MRPL13: variants seen among roughly 807,000 people sequenced by gnomAD.
MRPL13 encodes the protein large ribosomal subunit protein uL13m.
In MRPL13, 33 loss-of-function variants were observed where a neutral mutation model predicts 29.0. That is an observed-to-expected ratio of 1.14 (90% CI 0.86 to 1.52). The LOEUF is 1.52. MRPL13 is among the 40% of genes most tolerant of loss of function. MRPL13 has a pLI of 0.00. For missense variants in MRPL13, 227 were observed against 216.7 expected, an observed-to-expected ratio of 1.05 and a Z score of -0.30; for synonymous variants, 77 against 68.4, an observed-to-expected ratio of 1.13 and a Z score of -0.62.
chr8:120,442,316 G>C (rs545700960), intron 2 of MRPL13, among the ~76,000 whole-genome samples: 1 of 152,172 alleles, frequency 6.6e-6, no homozygotes, highest in East Asian at 1.9e-4. Context: ...CCTGTCTTTT[G>C]GGCATACCTT....
chr8:120,397,340 G>C (rs1305352446), intron 6 of MRPL13, among the ~76,000 whole-genome samples: 1 of 152,120 alleles, frequency 6.6e-6, no homozygotes, highest in Non-Finnish European at 1.5e-5. Flanking sequence ...CCAAGGAAGG[G>C]AGCTGAATCC....
chr8:120,424,805 T>C (rs1812914305), intron 4 of MRPL13, among the ~76,000 whole-genome samples: 1 of 151,910 alleles, frequency 6.6e-6, no homozygotes, highest in African/African-American at 2.4e-5. Flanking sequence ...AAAATGAAAG[T>C]AGTTTTGTTT....
chr8:120,403,871 T>A (rs1812634220), intron 6 of MRPL13, among the ~76,000 whole-genome samples: 1 of 152,210 alleles, frequency 6.6e-6, no homozygotes, highest in South Asian at 2.1e-4. Context: ...GAATTTTAAA[T>A]TGTTTATTAT....
chr8:120,436,146 G>A (rs921833324), intron 2 of MRPL13, among the ~76,000 whole-genome samples: 1 of 152,052 alleles, frequency 6.6e-6, no homozygotes, highest in African/African-American at 2.4e-5. Flanking sequence ...CGATTAATTG[G>A]TACAGGTTTT....
At chr8:120,433,042 C>T (rs1310745649) in intron 2 of MRPL13, among the ~76,000 whole-genome samples, 2 of 151,864 alleles carry the variant, frequency 1.3e-5, no homozygotes, top group African/African-American at 2.4e-5. Flanking sequence ...TTTTCACAGA[C>T]GTTCATAGTC....
intron 2 of MRPL13, among the ~76,000 whole-genome samples, chr8:120,437,317 G>A (rs1813065783): frequency 6.6e-6 from 1 of 152,122 alleles, no homozygotes; most frequent in South Asian, 2.1e-4. Context: ...GAATTGTTTG[G>A]TATGTTAGCA....
chr8:120,424,531 G>A (rs940508250), intron 4 of MRPL13, among the ~76,000 whole-genome samples: 4 of 152,042 alleles, frequency 2.6e-5, no homozygotes, highest in South Asian at 2.1e-4. Context: ...TTGGGAGGCC[G>A]AGGTGGGAGG....
intron 5 of MRPL13, chr8:120,415,549 G>A (rs1812793351): frequency 6.6e-6 from 1 of 151,982 alleles, no homozygotes; most frequent in South Asian, 2.1e-4. Flanking sequence ...ACCCAATATA[G>A]CAAAATATTT....
chr8:120,424,439 T>G (rs932458239), intron 4 of MRPL13, among the ~76,000 whole-genome samples: 1 of 151,832 alleles, frequency 6.6e-6, no homozygotes, highest in Non-Finnish European at 1.5e-5. Flanking sequence ...CTGGGCAACA[T>G]AGCAAGATCC....
chr8:120,444,896 C>A (rs1469211540), intron 1 of MRPL13, 172 bp downstream of exon 1: 16 of 627,050 alleles, frequency 2.6e-5, no homozygotes, highest in Non-Finnish European at 3.9e-5. Flanking sequence ...AACAGACGAA[C>A]GACATTAAGT....
Position 120,413,990 on chromosome 8 carries a change from C to G in MRPL13, c.515+1G>C. On this transcript the variant is annotated splice_donor_variant, in intron 6 of 6. Transcript: ENST00000306185. LOFTEE classifies it high-confidence loss of function. ...AAAACAAGAAGAAGGGAAACACTTA[C>G]GGAGTCCACAATCTTGGGAAGGCGT... 1 of 1,544,196 alleles carries G rather than the reference C, an allele frequency of 6.5e-7. No individual in the cohort carries two copies. Among genetic ancestry groups the G allele is most frequent in the Non-Finnish European group, 8.7e-7 (1 of 1,153,498 alleles).
At chr8:120,439,235 CTA>C (rs1006377717) in intron 2 of MRPL13, among the ~76,000 whole-genome samples, 1 of 152,190 alleles carries the variant, frequency 6.6e-6, no homozygotes, top group Non-Finnish European at 1.5e-5. Flanking sequence ...CTATGTAGTG[CTA>C]TGTTTCTGGC....
chr8:120,402,668 A>C (rs1025333181), intron 6 of MRPL13, among the ~76,000 whole-genome samples: 3 of 152,234 alleles, frequency 2.0e-5, no homozygotes, highest in African/African-American at 7.2e-5. Flanking sequence ...TAAACTAAAG[A>C]GCGTCTGTAC....
intron 2 of MRPL13, among the ~76,000 whole-genome samples, chr8:120,439,403 G>A (rs1813091415): frequency 6.6e-6 from 1 of 152,134 alleles, no homozygotes; most frequent in Non-Finnish European, 1.5e-5. Flanking sequence ...TACTGCTGTT[G>A]GTCACAAGTT....
At chr8:120,402,511 T>G (rs568590244) in intron 6 of MRPL13, among the ~76,000 whole-genome samples, 12 of 152,326 alleles carry the variant, frequency 7.9e-5, no homozygotes, top group African/African-American at 2.6e-4. Context: ...CAAGGTGAAT[T>G]AAAGACTTAA....
At chr8:120,440,964 C>A (rs1813116642) in intron 2 of MRPL13, among the ~76,000 whole-genome samples, 1 of 151,632 alleles carries the variant, frequency 6.6e-6, no homozygotes, top group Non-Finnish European at 1.5e-5. Context: ...TGAGACGTGC[C>A]AGAGTTCAGA....
At chr8:120,420,418 T>C (rs1242345636) in intron 4 of MRPL13, among the ~76,000 whole-genome samples, 1 of 149,084 alleles carries the variant, frequency 6.7e-6, no homozygotes, top group African/African-American at 2.4e-5. Flanking sequence ...TAAGACTTTA[T>C]GTTTTTGAGG....
chr8:120,407,065 C>T lies in MRPL13; in HGVS notation c.515+6926G>A, dbSNP rs77110024. Among the ~76,000 whole-genome samples, 965 of 152,254 alleles carry T rather than the reference C, an allele frequency of 6.3e-3. 30 individuals are homozygous for T. In the East Asian group the frequency reaches 0.09, roughly 14 times the overall value. The stretch of plus-strand genomic sequence containing the variant: ...TTCCTATAGCAAATTCTTTACCATA[C>T]GCATCCCTATGCAAAACACTGCCTG... On this transcript the variant is annotated intron_variant, in intron 6 of 6. Transcript: ENST00000306185.
At chr8:120,398,797 G>C (rs1208296871) in intron 6 of MRPL13, among the ~76,000 whole-genome samples, 3 of 152,188 alleles carry the variant, frequency 2.0e-5, no homozygotes, top group Admixed American at 6.5e-5. Flanking sequence ...AGCCAGTTTA[G>C]AGAGGAGCAT....
Sources: gnomAD v4.1 joint callset for allele counts (sites outside exome capture counted in the v4.1 genomes callset) on GRCh38, gnomAD v4.1.1 for gene constraint, MANE v1.5 for transcripts, NCBI Gene and HGNC (gene_info 2026-07-23, HGNC 2026-07-21) for gene names.